The following CACNA1I variants were observed in gnomAD, a reference collection of about 807,000 sequenced individuals.
CACNA1I encodes the protein voltage-dependent T-type calcium channel subunit alpha-1I.
A neutral mutation model predicts 201.6 loss-of-function variants in CACNA1I; 74 were observed. That is an observed-to-expected ratio of 0.37 (90% CI 0.30 to 0.45). CACNA1I has a LOEUF of 0.45. Ranked by LOEUF, CACNA1I falls within the 20% of genes least tolerant of loss-of-function variation. The pLI is 1.00. For synonymous variants in CACNA1I, 1,431 were observed against 1,345.2 expected (o/e 1.06, Z -1.40); for missense variants, 2,346 against 3,138.1 (o/e 0.75, Z 6.03).
intron 1 of CACNA1I, among the ~76,000 whole-genome samples, chr22:39,590,884 C>T (rs1302158741): frequency 1.3e-5 from 2 of 152,162 alleles, no homozygotes; most frequent in East Asian, 3.8e-4. Context: ...CTCGCTCTGT[C>T]GCTCAGGCTG....
chr22:39,672,127 ACTTT>A, intron 26 of CACNA1I, 68 bp from the exon 27 acceptor site: 2 of 892,304 alleles, frequency 2.2e-6, no homozygotes, highest in Middle Eastern at 4.5e-4. Context: ...AAAGGCAGAG[ACTTT>A]CTGAGTGGAG....
chr22:39,575,002 C>A (rs1932298771), intron 1 of CACNA1I, among the ~76,000 whole-genome samples: 1 of 152,250 alleles, frequency 6.6e-6, no homozygotes, highest in Admixed American at 6.5e-5. Context: ...CACTGGAGAG[C>A]CAGCAGGCTG....
chr22:39,684,207 C>T lies in CACNA1I; in HGVS notation c.5831-95C>T, dbSNP rs1038689031. ...CAGTTTATTAGGTGGCCCCTCACTG[C>T]TGGCCCAGTGAGATTGGTGCTCAAT... On this transcript the variant is annotated intron_variant, in intron 35 of 36. Transcript: ENST00000402142. The surrounding 1 kb of genome is among the most constrained non-coding windows in gnomAD (Gnocchi z 4.6). 6.8e-6 allele frequency: 7 copies of T among 1,031,524 alleles called. No homozygotes were observed. The highest frequency in any genetic ancestry group is 1.0e-5 in the Non-Finnish European group (7 of 683,022). The allele number at this position is 1,031,524 out of a possible 1,614,324, so 63.9% of individuals were successfully genotyped here. A position where few individuals can be genotyped will look rare whatever the true frequency, so the allele number is the denominator to read the frequency against.
intron 1 of CACNA1I, among the ~76,000 whole-genome samples, chr22:39,586,304 A>G (rs183375155): frequency 1.1e-4 from 17 of 152,162 alleles, no homozygotes; most frequent in Admixed American, 5.2e-4. Context: ...AGCCTGGCCA[A>G]CATATAATGA....
Position 39,677,476 on chromosome 22 carries a change from C to G in CACNA1I, c.4933+57C>G. On this transcript the variant is annotated intron_variant, in intron 30 of 36. Transcript: ENST00000402142. The surrounding 1 kb of genome is among the most constrained non-coding windows in gnomAD (Gnocchi z 4.8). ...GGGTGCAGCAGGGCTGCAGGAGGAA[C>G]TGGGGGGGCGGGGGAGGCCTGAGAC... 9.4e-7 allele frequency: 1 copy of G among 1,062,404 alleles called. No individual in the cohort carries two copies. Among genetic ancestry groups the G allele is most frequent in the Non-Finnish European group, 1.3e-6 (1 of 743,104 alleles). The allele number at this position is 1,062,404 out of a possible 1,614,324, so 65.8% of individuals were successfully genotyped here.
intron 5 of CACNA1I, among the ~76,000 whole-genome samples, chr22:39,636,791 G>A (rs765858093): frequency 2.6e-5 from 4 of 152,192 alleles, no homozygotes; most frequent in East Asian, 1.9e-4. Context: ...TCCTCTTTTC[G>A]GGCTCTCCCC....
intron 34 of CACNA1I, 132 bp downstream of exon 34, chr22:39,681,184 C>A: frequency 9.6e-7 from 1 of 1,046,056 alleles, no homozygotes; most frequent in Non-Finnish European, 1.3e-6. Context: ...CCTTCATCTC[C>A]TGTTGGACAG....
chr22:39,659,681 T>A lies in CACNA1I; in HGVS notation c.2449-16T>A. On this transcript the variant is annotated splice_polypyrimidine_tract_variant and intron_variant, in intron 13 of 36. Transcript: ENST00000402142. The surrounding 1 kb of genome is among the most constrained non-coding windows in gnomAD (Gnocchi z 4.3). ...GGACTAGGGGTACCCCAGGGCTAAC[T>A]GTGTCTCCCCAACAGATCCTCACCC... 6.2e-7 allele frequency: 1 copy of A among 1,613,698 alleles called. No individual in the cohort carries two copies. Among genetic ancestry groups the A allele is most frequent in the Non-Finnish European group, 8.5e-7 (1 of 1,179,758 alleles).
intron 4 of CACNA1I, among the ~76,000 whole-genome samples, chr22:39,627,726 G>A (rs1933939902): frequency 6.6e-6 from 1 of 152,250 alleles, no homozygotes; most frequent in African/African-American, 2.4e-5. Context: ...GGGGAGAGCA[G>A]AAGGAAAGCT....
intron 1 of CACNA1I, among the ~76,000 whole-genome samples, chr22:39,582,267 C>G (rs945400401): frequency 2.6e-5 from 4 of 152,136 alleles, no homozygotes; most frequent in Non-Finnish European, 5.9e-5. Flanking sequence ...GTTTCCTTAT[C>G]CATAAAATTG....
chr22:39,605,943 C>T (rs1933208273), intron 3 of CACNA1I, among the ~76,000 whole-genome samples: 1 of 152,106 alleles, frequency 6.6e-6, no homozygotes, highest in Non-Finnish European at 1.5e-5. Flanking sequence ...GGCTTCATTG[C>T]ACAGGCAAGG....
rs1423843155 is a variant in CACNA1I at position 39,672,804 on chromosome 22, G to A, written c.4650-145G>A. On this transcript the variant is annotated intron_variant, in intron 27 of 36. Coordinates refer to ENST00000402142, the MANE Select transcript of CACNA1I (RefSeq NM_021096.4). ...GGGCCTGGACCCAGTGGCGTTAGGA[G>A]GGGCTAGTAAGGGAGGGCAGCCACA... 1.9e-5 allele frequency: 15 copies of A among 773,174 alleles called. 1 individual carries two copies. The highest frequency in any genetic ancestry group is 2.0e-5 in the South Asian group (1 of 49,660). The allele number at this position is 773,174 out of a possible 1,614,324, so 47.9% of individuals were successfully genotyped here.
At chr22:39,595,146 G>A (rs949658292) in intron 1 of CACNA1I, among the ~76,000 whole-genome samples, 6 of 151,788 alleles carry the variant, frequency 4.0e-5, no homozygotes, top group East Asian at 3.9e-4. Flanking sequence ...AAAATTAGCC[G>A]GGCGTGGTGG....
At chr22:39,588,365 TTTTCTTTC>T (rs3044377) in intron 1 of CACNA1I, among the ~76,000 whole-genome samples, 42,407 of 130,228 alleles carry the variant, frequency 0.33, 7,028 homozygotes, top group East Asian at 0.73. Flanking sequence ...GTTCAAGGCG[TTTTCTTTC>T]TTTCTTTCTT....
chr22:39,614,380 A>G (rs899088692), intron 3 of CACNA1I, among the ~76,000 whole-genome samples: 3 of 152,222 alleles, frequency 2.0e-5, no homozygotes, highest in African/African-American at 7.2e-5. Context: ...AGCAGAGGGT[A>G]GGTCAGGGAT....
Position 39,608,869 on chromosome 22 carries a change from G to A in CACNA1I, c.482+8216G>A, listed in dbSNP as rs145460926. On this transcript the variant is annotated intron_variant, in intron 3 of 36. Transcript: ENST00000402142. ...AAATTTATTGTACCCTGGAAACATG[G>A]TCTCTGGAATGCTGGGAACAGCTTC... 1.0e-3 allele frequency among the ~76,000 whole-genome samples: 156 copies of A among 152,084 alleles called. 5 individuals are homozygous for A. In the East Asian group the frequency reaches 0.016, roughly 16 times the overall value.
intron 3 of CACNA1I, among the ~76,000 whole-genome samples, chr22:39,603,235 C>T (rs1464464085): frequency 6.6e-6 from 1 of 151,380 alleles, no homozygotes; most frequent in African/African-American, 2.4e-5. Flanking sequence ...CCATTATTCT[C>T]TGCTGTCTCC....
intron 3 of CACNA1I, among the ~76,000 whole-genome samples, chr22:39,614,825 C>G (rs1933485056): frequency 6.6e-6 from 1 of 152,206 alleles, no homozygotes; most frequent in African/African-American, 2.4e-5. Context: ...ACACGGGAGC[C>G]CCTCTCCCCA....
chr22:39,599,657 C>G (rs988758555), intron 2 of CACNA1I, among the ~76,000 whole-genome samples: 37 of 151,122 alleles, frequency 2.4e-4, no homozygotes, highest in African/African-American at 8.3e-4. Context: ...AATCCAGACC[C>G]CTGACCCCAT....
Sources: allele counts gnomAD v4.1 joint callset (sites outside exome capture counted in the v4.1 genomes callset), GRCh38; gene constraint gnomAD v4.1.1; non-coding constraint Gnocchi (gnomAD v3.1); transcripts MANE v1.5; gene names NCBI Gene and HGNC (gene_info 2026-07-23, HGNC 2026-07-21).